The following CD58 variants were observed in gnomAD, a reference collection of about 807,000 sequenced individuals.
The protein encoded by CD58 is lymphocyte function-associated antigen 3.
CD58 carries 14 observed loss-of-function variants against 27.6 expected under a neutral mutation model. That is an observed-to-expected ratio of 0.51 (90% CI 0.34 to 0.79). The LOEUF (loss-of-function observed/expected upper bound fraction) is 0.79, where lower values mean the gene tolerates loss of function less well. CD58 is among the 30% of genes least tolerant of loss of function. CD58 has a pLI of 0.02. For missense variants in CD58, 268 were observed against 301.7 expected (o/e 0.89, Z 0.83); for synonymous variants, 117 against 103.8 (o/e 1.13, Z -0.77).
chr1:116,523,861 C>G lies in CD58; in HGVS notation c.629-1878G>C, dbSNP rs567612020. 7.2e-5 allele frequency among the ~76,000 whole-genome samples: 11 copies of G among 152,180 alleles called. No homozygotes were observed. The highest frequency in any genetic ancestry group is 1.5e-4 in the Non-Finnish European group (10 of 68,034). Reference sequence around the variant, plus strand: ...GCATTTGATTCTTCTCTTTCTTTATCGTTTTTCAAAATAATGAGTTAGCTC... The same window carrying G: ...GCATTTGATTCTTCTCTTTCTTTATGGTTTTTCAAAATAATGAGTTAGCTC... On this transcript the variant is annotated intron_variant, in intron 3 of 5. Coordinates refer to ENST00000369489, the MANE Select transcript of CD58 (RefSeq NM_001779.3). The surrounding 1 kb of genome is among the most constrained non-coding windows in gnomAD (Gnocchi z 4.4).
chr1:116,519,219 C>CA lies in CD58; in HGVS notation c.743+11dup. On this transcript the variant is annotated intron_variant, in intron 5 of 5. Coordinates refer to ENST00000369489, the MANE Select transcript of CD58 (RefSeq NM_001779.3). This position sits in a 1 kb window ranked among gnomAD's most constrained non-coding sequence, Gnocchi z 4.7. ...GTTCTGGCACAGAGTGCACAGCCTG[C>CA]AGTGTACTTACTTGGTTCTGTCTGG... is the stretch of plus-strand genomic sequence containing the variant. 6.2e-7 allele frequency: 1 copy of CA among 1,612,608 alleles called. No homozygotes were observed. Among genetic ancestry groups the CA allele is most frequent in the Non-Finnish European group, 8.5e-7 (1 of 1,179,254 alleles).
intron 2 of CD58, among the ~76,000 whole-genome samples, chr1:116,542,083 A>T (rs1474403817): frequency 6.6e-6 from 1 of 152,228 alleles, no homozygotes; most frequent in African/African-American, 2.4e-5. Flanking sequence ...GTTCAAGACC[A>T]GCCTGACCAA....
intron 1 of CD58, among the ~76,000 whole-genome samples, chr1:116,545,687 T>C (rs1328198350): frequency 6.6e-6 from 1 of 152,314 alleles, no homozygotes; most frequent in East Asian, 1.9e-4. Context: ...CCTGCCCTCA[T>C]GAGCCAATTG....
Position 116,523,613 on chromosome 1 carries a change from T to C in CD58, c.629-1630A>G, listed in dbSNP as rs1657337703. Among the ~76,000 whole-genome samples, 1 of 152,158 alleles carries C rather than the reference T, an allele frequency of 6.6e-6. No homozygotes were observed. Among genetic ancestry groups the C allele is most frequent in the Non-Finnish European group, 1.5e-5 (1 of 68,028 alleles). On this transcript the variant is annotated intron_variant, in intron 3 of 5. Transcript: ENST00000369489. This position sits in a 1 kb window ranked among gnomAD's most constrained non-coding sequence, Gnocchi z 4.4. ...CTTGGCAATAATACTCCCCAAGTAG[T>C]GTTTGTATACTTCCCTTAGGTGGCA... is the stretch of plus-strand genomic sequence containing the variant.
chr1:116,570,948 G>A lies in CD58; in HGVS notation c.25C>T (p.Arg9Trp). 1.3e-6 allele frequency: 2 copies of A among 1,563,968 alleles called. No individual in the cohort carries two copies. Among genetic ancestry groups the A allele is most frequent in the Admixed American group, 1.9e-5 (1 of 53,664 alleles). Residue 9 changes from arginine (R) to tryptophan (W), a missense_variant, in exon 1 of 6, where the codon CGG becomes TGG. Transcript: ENST00000369489. The surrounding 1 kb of genome is among the most constrained non-coding windows in gnomAD (Gnocchi z 6.4). The stretch of plus-strand genomic sequence containing the variant: ...ACCACGCTGAGGACCCCCAGGGCCC[G>A]CCCCGCGTCGCTCCCAGCAACCATG... MVAGSDAG[R>W]ALGVLSVVCL...
intron 1 of CD58, among the ~76,000 whole-genome samples, chr1:116,547,066 G>GTTT (rs61478445): frequency 2.2e-5 from 3 of 137,222 alleles, no homozygotes; most frequent in South Asian, 2.3e-4. Context: ...ACATGGATAA[G>GTTT]TTTTTTTTTT....
At chr1:116,533,866 C>G (rs1426750771) in intron 3 of CD58, 2 of 986,250 alleles carry the variant, frequency 2.0e-6, no homozygotes, top group East Asian at 2.5e-5. Flanking sequence ...ATGAGCGCAT[C>G]TCACCTGAAT....
intron 2 of CD58, among the ~76,000 whole-genome samples, chr1:116,537,956 A>G (rs1657871318): frequency 6.6e-6 from 1 of 152,246 alleles, no homozygotes; most frequent in Non-Finnish European, 1.5e-5. Flanking sequence ...GATGTTTTCT[A>G]AGACAAGTTA....
rs531583513 is a variant in CD58 at position 116,515,722 on chromosome 1, C to T, written c.744-900G>A. Among the ~76,000 whole-genome samples the T allele has an allele frequency of 2.0e-5, 3 of 152,276 alleles. No homozygotes were observed. The East Asian group carries it at 5.8e-4, about 29-fold the overall frequency. On this transcript the variant is annotated intron_variant, in intron 5 of 5. Coordinates refer to ENST00000369489, the MANE Select transcript of CD58 (RefSeq NM_001779.3). The surrounding 1 kb of genome is among the most constrained non-coding windows in gnomAD (Gnocchi z 4.6). Reference sequence around the variant, plus strand: ...GATCCCACCTGTAAATCTTTCTTCTCGGAGAAATAGGACTCCCTGCTTCCT... The same window carrying T: ...GATCCCACCTGTAAATCTTTCTTCTTGGAGAAATAGGACTCCCTGCTTCCT...
rs1310980383 is a variant in CD58, at chr1:116,538,642, T to C, written c.365-2414A>G. Among the ~76,000 whole-genome samples the C allele has an allele frequency of 6.6e-6, 1 of 152,222 alleles. No homozygotes were observed. Among genetic ancestry groups the C allele is most frequent in the African/African-American group, 2.4e-5 (1 of 41,452 alleles). On this transcript the variant is annotated intron_variant, in intron 2 of 5. Coordinates refer to ENST00000369489, the MANE Select transcript of CD58 (RefSeq NM_001779.3). This position sits in a 1 kb window ranked among gnomAD's most constrained non-coding sequence, Gnocchi z 4.7. ...GGCCTGTTTGTTCTGTTGCAGATTC[T>C]AATGTATTGATCTAGCTCTGCCAAT...
intron 1 of CD58, among the ~76,000 whole-genome samples, chr1:116,566,763 A>G (rs1361351106): frequency 2.0e-5 from 3 of 152,142 alleles, no homozygotes; most frequent in Non-Finnish European, 2.9e-5. Context: ...AACCTTCTAA[A>G]ATAAAAGAAA....
intron 1 of CD58, among the ~76,000 whole-genome samples, chr1:116,555,977 T>G (rs1658546246): frequency 6.6e-6 from 1 of 152,202 alleles, no homozygotes; most frequent in East Asian, 1.9e-4. Flanking sequence ...TACTCACCAC[T>G]GGGAGCAGTG....
At chr1:116,566,114 T>C (rs1448830065) in intron 1 of CD58, among the ~76,000 whole-genome samples, 1 of 152,130 alleles carries the variant, frequency 6.6e-6, no homozygotes, top group Non-Finnish European at 1.5e-5. Context: ...CATTGTAGAG[T>C]TGAAAAATCT....
In CD58 at chr1:116,521,631, G is replaced by T. The variant is rs1420899338; in HGVS notation, c.706+275C>A. ...AGAAGTTTAACTATATTTTGAAGCA[G>T]ATCACAGGTAAAAGGAGGCTATGCA... On this transcript the variant is annotated intron_variant, in intron 4 of 5. Transcript: ENST00000369489. This position sits in a 1 kb window ranked among gnomAD's most constrained non-coding sequence, Gnocchi z 5.6. 6.6e-6 allele frequency among the ~76,000 whole-genome samples: 1 copy of T among 152,082 alleles called. No homozygotes were observed. Among genetic ancestry groups the T allele is most frequent in the Non-Finnish European group, 1.5e-5 (1 of 68,018 alleles).
Position 116,570,880 on chromosome 1 carries a change from C to A in CD58, c.70+23G>T, listed in dbSNP as rs1275140502. On this transcript the variant is annotated intron_variant, in intron 1 of 5. Coordinates refer to ENST00000369489, the MANE Select transcript of CD58 (RefSeq NM_001779.3). This position sits in a 1 kb window ranked among gnomAD's most constrained non-coding sequence, Gnocchi z 6.4. ...CCAGTACCCGCCGGCCGGCGCGGGG[C>A]CCCTGGGGCAGGCTTCACTCACCAA... The A allele has an allele frequency of 6.5e-6, 10 of 1,536,024 alleles. No homozygotes were observed. The highest frequency in any genetic ancestry group is 7.9e-6 in the Non-Finnish European group (9 of 1,144,438).
intron 3 of CD58, chr1:116,533,021 CCTT>C: frequency 1.4e-6 from 1 of 734,942 alleles, no homozygotes; most frequent in South Asian, 1.4e-5. Context: ...CTCCTCATCA[CCTT>C]CTAATTCGTC....
chr1:116,542,396 T>C (rs1043599665), intron 2 of CD58, among the ~76,000 whole-genome samples: 6 of 152,198 alleles, frequency 3.9e-5, no homozygotes, highest in South Asian at 2.1e-4. Flanking sequence ...AAGAATGACA[T>C]GGACTGAGAA....
rs1176160765 is a variant in CD58, at chr1:116,522,481, A to C, written c.629-498T>G. ...GTCAATAAATCAACACTATATATTA[A>C]GGTTTATTTAAACAGAGACACACAT... On this transcript the variant is annotated intron_variant, in intron 3 of 5. Coordinates refer to ENST00000369489, the MANE Select transcript of CD58 (RefSeq NM_001779.3). The surrounding 1 kb of genome is among the most constrained non-coding windows in gnomAD (Gnocchi z 4.6). Among the ~76,000 whole-genome samples the C allele has an allele frequency of 6.6e-6, 1 of 152,224 alleles. No homozygotes were observed. The highest frequency in any genetic ancestry group is 1.9e-4 in the East Asian group (1 of 5,198).
intron 3 of CD58, among the ~76,000 whole-genome samples, chr1:116,526,789 C>T (rs1657445917): frequency 6.6e-6 from 1 of 152,216 alleles, no homozygotes; most frequent in Non-Finnish European, 1.5e-5. Flanking sequence ...CTGACATCTT[C>T]ACAATAAGGA....
Sources: gnomAD v4.1 joint callset for allele counts (sites outside exome capture counted in the v4.1 genomes callset) on GRCh38, gnomAD v4.1.1 for gene constraint, Gnocchi (gnomAD v3.1) non-coding constraint, MANE v1.5 for transcripts, NCBI Gene and HGNC (gene_info 2026-07-23, HGNC 2026-07-21) for gene names.